CELF2: variants seen among roughly 807,000 people sequenced by gnomAD.
CELF2 encodes the protein CUGBP Elav-like family member 2.
In CELF2, 8 loss-of-function variants were observed where a neutral mutation model predicts 62.6. The observed-to-expected ratio is 0.13, with a 90% confidence interval of 0.07 to 0.23. The LOEUF (loss-of-function observed/expected upper bound fraction) is 0.23. Among genes scored for constraint, CELF2 ranks in the 10% least tolerant of loss-of-function variants. The pLI is 1.00. For missense variants in CELF2, 333 were observed against 671.0 expected, an observed-to-expected ratio of 0.50 and a Z score of 5.56; for synonymous variants, 258 against 250.0, an observed-to-expected ratio of 1.03 and a Z score of -0.30.
chr10:11,053,566 T>A (rs11591305), intron 1 of CELF2, among the ~76,000 whole-genome samples: 7,968 of 149,812 alleles, frequency 0.053, 242 homozygotes, highest in Non-Finnish European at 0.065. Flanking sequence ...ACACATTTTT[T>A]AAAAAAAAAG....
the CELF2 span, among the ~76,000 whole-genome samples, chr10:10,693,662 G>A: frequency 9.9e-5 from 15 of 151,612 alleles, no homozygotes; most frequent in East Asian, 2.3e-3. Flanking sequence ...TGGTTGGTAA[G>A]CTATTGATTA....
At chr10:11,325,043 G>T (rs2095651566) in intron 11 of CELF2, among the ~76,000 whole-genome samples, 1 of 152,192 alleles carries the variant, frequency 6.6e-6, no homozygotes, top group Admixed American at 6.5e-5. Flanking sequence ...GTCAGGAGAG[G>T]AAAAGCGAGG....
the CELF2 span, among the ~76,000 whole-genome samples, chr10:10,508,361 G>A: frequency 6.6e-6 from 1 of 152,160 alleles, no homozygotes; most frequent in African/African-American, 2.4e-5. Flanking sequence ...GACCTAATAA[G>A]CAGCTTCCAG....
the CELF2 span, among the ~76,000 whole-genome samples, chr10:10,742,267 CA>C: frequency 6.6e-6 from 1 of 152,100 alleles, no homozygotes; most frequent in Admixed American, 6.6e-5. Context: ...AACCTATTAA[CA>C]AGGTTAAATG....
chr10:10,907,068 T>C (rs1238073579), intron 1 of CELF2, among the ~76,000 whole-genome samples: 2 of 152,124 alleles, frequency 1.3e-5, no homozygotes, highest in Non-Finnish European at 1.5e-5. Flanking sequence ...AAACATACTC[T>C]ACAAATATAG....
Position 11,290,131 on chromosome 10 carries a change from A to G in CELF2, c.976+1579A>G, listed in dbSNP as rs2092279110. On this transcript the variant is annotated intron_variant, in intron 9 of 12. Transcript: ENST00000633077. This position sits in a 1 kb window ranked among gnomAD's most constrained non-coding sequence, Gnocchi z 4.3. ...AAGATAACTCAAAAATCATATCCCA[A>G]AAGCGCTTTGTGGTGTGAGCAGGAC... is the stretch of plus-strand genomic sequence containing the variant. Among the ~76,000 whole-genome samples, 2 of 152,170 alleles carry G rather than the reference A, an allele frequency of 1.3e-5. No homozygotes were observed. The highest frequency in any genetic ancestry group is 2.4e-5 in the African/African-American group (1 of 41,426).
At chr10:10,753,864 G>C in the CELF2 span, among the ~76,000 whole-genome samples, 1 of 152,116 alleles carries the variant, frequency 6.6e-6, no homozygotes, top group African/African-American at 2.4e-5. Context: ...CTAGGAAACA[G>C]GCCGCATTGC....
chr10:11,144,398 G>A (rs985828600), intron 1 of CELF2, among the ~76,000 whole-genome samples: 3 of 152,094 alleles, frequency 2.0e-5, no homozygotes, highest in Admixed American at 6.6e-5. Flanking sequence ...CACAGTGCTC[G>A]GTGCAGAATG....
At chr10:11,259,097 T>C (rs2653512) in intron 5 of CELF2, among the ~76,000 whole-genome samples, 6,227 of 152,282 alleles carry the variant, frequency 0.041, 239 homozygotes, top group African/African-American at 0.1. Context: ...AGGAACTTGG[T>C]TTCCTTCTCA....
At chr10:10,653,988 A>G in the CELF2 span, among the ~76,000 whole-genome samples, 5 of 151,918 alleles carry the variant, frequency 3.3e-5, no homozygotes, top group South Asian at 1.0e-3. Flanking sequence ...AATAAAGAAA[A>G]AAAGAGAGAA....
chr10:11,176,018 G>A (rs139347855), intron 2 of CELF2, among the ~76,000 whole-genome samples: 3 of 152,266 alleles, frequency 2.0e-5, no homozygotes, highest in East Asian at 3.9e-4. Flanking sequence ...TCTTGTGCGC[G>A]TGTGTTTTCT....
the CELF2 span, among the ~76,000 whole-genome samples, chr10:10,612,776 CAGA>C: frequency 6.6e-6 from 1 of 152,194 alleles, no homozygotes. Flanking sequence ...CATGTCCCTT[CAGA>C]GCCAGATTCT....
the CELF2 span, among the ~76,000 whole-genome samples, chr10:10,546,870 AC>A: frequency 1.3e-5 from 2 of 151,722 alleles, no homozygotes; most frequent in Admixed American, 6.6e-5. Context: ...ACTTTGAGAG[AC>A]CGAGGCAGGG....
At chr10:10,831,743 G>A (rs187378858) in intron 1 of CELF2, among the ~76,000 whole-genome samples, 2 of 152,248 alleles carry the variant, frequency 1.3e-5, no homozygotes, top group African/African-American at 4.8e-5. Context: ...AGGCCAAGAT[G>A]GCTGGATCAC....
At chr10:10,906,245 T>C (rs1463853063) in intron 1 of CELF2, among the ~76,000 whole-genome samples, 1 of 152,244 alleles carries the variant, frequency 6.6e-6, no homozygotes, top group Middle Eastern at 3.2e-3. Flanking sequence ...TTGTACTACC[T>C]AATTTTCTTC....
At chr10:11,082,550 T>C (rs548299667) in intron 1 of CELF2, among the ~76,000 whole-genome samples, 1 of 152,210 alleles carries the variant, frequency 6.6e-6, no homozygotes, top group Non-Finnish European at 1.5e-5. Flanking sequence ...AGAGTAACTA[T>C]GTAAATCACT....
chr10:11,163,004 A>G (rs2066072241), intron 1 of CELF2, among the ~76,000 whole-genome samples: 1 of 152,188 alleles, frequency 6.6e-6, no homozygotes. Context: ...GCGGTGAAGC[A>G]TGGCTCATGG....
At chr10:10,680,144 C>T in the CELF2 span, among the ~76,000 whole-genome samples, 1 of 150,648 alleles carries the variant, frequency 6.6e-6, no homozygotes, top group Non-Finnish European at 1.5e-5. Context: ...TATGTATGTA[C>T]GTATGTATGT....
At chr10:10,737,115 A>G in the CELF2 span, among the ~76,000 whole-genome samples, 1 of 152,196 alleles carries the variant, frequency 6.6e-6, no homozygotes, top group South Asian at 2.1e-4. Context: ...GGCAAGAGGA[A>G]AAAAGTATAA....
Sources: gnomAD v4.1 joint callset for allele counts (sites outside exome capture counted in the v4.1 genomes callset) on GRCh38, gnomAD v4.1.1 for gene constraint, Gnocchi (gnomAD v3.1) non-coding constraint, MANE v1.5 for transcripts, NCBI Gene and HGNC (gene_info 2026-07-23, HGNC 2026-07-21) for gene names.